SLCO1B3: variants seen among roughly 807,000 people sequenced by gnomAD.
SLCO1B3 encodes solute carrier organic anion transporter family member 1B3, also known as liver-specific organic anion transporter 2.
A neutral mutation model predicts 71.8 loss-of-function variants in SLCO1B3; 72 were observed. The observed-to-expected ratio is 1.00, with a 90% confidence interval of 0.83 to 1.22. SLCO1B3 has a LOEUF of 1.22. Among genes scored for constraint, SLCO1B3 ranks in the 50% most tolerant of loss-of-function variants. The pLI is 0.00. For missense variants in SLCO1B3, 911 were observed against 819.7 expected (o/e 1.11, Z -1.36); for synonymous variants, 298 against 278.4 (o/e 1.07, Z -0.70).
At position 20,888,218 on chromosome 12, in the gene SLCO1B3, C is replaced by T. The variant is rs767388562; in HGVS notation, c.1682+4616C>T. On this transcript the variant is annotated intron_variant, in intron 13 of 15. Transcript: ENST00000381545. ...TTTGCTAGTCAGACTTTTTTGGTTC[C>T]GTATGAATTTTAGGATTTACATTGG... Among the ~76,000 whole-genome samples the T allele has an allele frequency of 4.6e-5, 7 of 151,840 alleles. No homozygotes were observed. The East Asian group carries it at 5.8e-4, about 13-fold the overall frequency.
In SLCO1B3 at chr12:20,815,710, AATATTCACTTGGTATCTG is replaced by A. The variant is rs527574443; in HGVS notation, c.-28_-11del. 0.27 allele frequency: 394,129 copies of A among 1,469,848 alleles called. 54,843 individuals are homozygous for A. The highest frequency in any genetic ancestry group is 0.38 in the Middle Eastern group (2,082 of 5,498). The allele number at this position is 1,469,848 out of a possible 1,614,324, so 91.1% of individuals were successfully genotyped here. A position where few individuals can be genotyped will look rare whatever the true frequency, so the allele number is the denominator to read the frequency against. ...AAACCAAGCATCAGCAACAATTAAA[AATATTCACTTGGTATCTG>A]TAGTTTAATAATGGACCAACATCAA... On this transcript the variant is annotated 5_prime_UTR_variant, in exon 3 of 16. Coordinates refer to ENST00000381545, the MANE Select transcript of SLCO1B3 (RefSeq NM_019844.4).
At chr12:20,865,054 A>G (rs1396299576) in intron 8 of SLCO1B3, among the ~76,000 whole-genome samples, 10 of 152,102 alleles carry the variant, frequency 6.6e-5, no homozygotes, top group Admixed American at 6.6e-4. Flanking sequence ...CAAGATTTTA[A>G]TGTAGAATTT....
At chr12:20,832,061 A>G (rs1042444675) in intron 3 of SLCO1B3, among the ~76,000 whole-genome samples, 5 of 152,190 alleles carry the variant, frequency 3.3e-5, no homozygotes, top group African/African-American at 1.2e-4. Context: ...TCTGATTCCA[A>G]ATTCCATGCT....
chr12:20,889,363 C>T (rs1264115176), intron 13 of SLCO1B3, among the ~76,000 whole-genome samples: 1 of 151,890 alleles, frequency 6.6e-6, no homozygotes, highest in Non-Finnish European at 1.5e-5. Flanking sequence ...ATTATTATTA[C>T]TAATTCAATT....
chr12:20,811,207 T>G lies in SLCO1B3; in HGVS notation c.-181+443T>G, dbSNP rs180907235. Among the ~76,000 whole-genome samples, 4 of 152,296 alleles carry G rather than the reference T, an allele frequency of 2.6e-5. No individual in the cohort carries two copies. In the South Asian group the frequency reaches 8.3e-4, roughly 32 times the overall value. Reference sequence around the variant, plus strand: ...TGGGCGGGTGGAGGGGTGGAAAATATGTTTCAAAGTCACTTAATCACCTCA... The same window carrying G: ...TGGGCGGGTGGAGGGGTGGAAAATAGGTTTCAAAGTCACTTAATCACCTCA... On this transcript the variant is annotated intron_variant, in intron 1 of 15. Coordinates refer to ENST00000381545, the MANE Select transcript of SLCO1B3 (RefSeq NM_019844.4).
At chr12:20,822,136 G>A (rs1165154110) in intron 3 of SLCO1B3, among the ~76,000 whole-genome samples, 1 of 152,178 alleles carries the variant, frequency 6.6e-6, no homozygotes, top group Non-Finnish European at 1.5e-5. Flanking sequence ...AGGAGGACGG[G>A]GGATTGATCT....
chr12:20,860,302 T>C (rs975098767), intron 5 of SLCO1B3, among the ~76,000 whole-genome samples: 1 of 152,178 alleles, frequency 6.6e-6, no homozygotes, highest in Non-Finnish European at 1.5e-5. Context: ...GGACCTTGTA[T>C]ATTAAATTTA....
chr12:20,889,309 G>T (rs764449732), intron 13 of SLCO1B3, among the ~76,000 whole-genome samples: 3 of 151,958 alleles, frequency 2.0e-5, no homozygotes, highest in Admixed American at 6.6e-5. Flanking sequence ...GTAGAATCTG[G>T]CAGTAAGTTC....
chr12:20,869,738 G>A (rs1389723419), intron 8 of SLCO1B3, among the ~76,000 whole-genome samples: 1 of 152,134 alleles, frequency 6.6e-6, no homozygotes, highest in African/African-American at 2.4e-5. Flanking sequence ...TCATCTCTCT[G>A]TAGATATTAG....
chr12:20,889,270 G>T (rs1392134001), intron 13 of SLCO1B3, among the ~76,000 whole-genome samples: 1 of 151,940 alleles, frequency 6.6e-6, no homozygotes, highest in Non-Finnish European at 1.5e-5. Context: ...TTTTAGTAGA[G>T]TTGGTATCAT....
chr12:20,852,368 A>G (rs1210638922), intron 3 of SLCO1B3, among the ~76,000 whole-genome samples: 1 of 152,162 alleles, frequency 6.6e-6, no homozygotes, highest in Non-Finnish European at 1.5e-5. Flanking sequence ...AGTACCAGCT[A>G]TTGAGGAGGC....
intron 3 of SLCO1B3, among the ~76,000 whole-genome samples, chr12:20,850,032 C>CT (rs71043207): frequency 2.3e-3 from 307 of 134,136 alleles, no homozygotes; most frequent in African/African-American, 4.8e-3. Flanking sequence ...TCCCAACAGC[C>CT]TTTTTTTTTT....
At chr12:20,822,548 A>T (rs1864335430) in intron 3 of SLCO1B3, among the ~76,000 whole-genome samples, 1 of 152,266 alleles carries the variant, frequency 6.6e-6, no homozygotes, top group African/African-American at 2.4e-5. Context: ...CAGTTACTTC[A>T]GGCCATCTCG....
At chr12:20,881,859 ACT>A (rs767724169) in intron 12 of SLCO1B3, among the ~76,000 whole-genome samples, 9 of 151,994 alleles carry the variant, frequency 5.9e-5, no homozygotes, top group Non-Finnish European at 8.8e-5. Context: ...TGCGATTATG[ACT>A]CTCTACCACA....
rs1236660730 is a variant in SLCO1B3, at chr12:20,877,887, T to C, written c.1086T>C (p.Tyr362=). ...GTTCTTTTACTTACGTCTTTAAATA[T>C]ATGGAGCAACAGTACGGTCAGTCTG... ...FIGSFTYVFK[Y]MEQQYGQSAS... Residue 362 remains tyrosine (Y), a synonymous_variant, in exon 10 of 16, where the codon TAT becomes TAC. Transcript: ENST00000381545. 7 of 1,591,092 alleles carry C rather than the reference T, an allele frequency of 4.4e-6. No homozygotes were observed. Among genetic ancestry groups the C allele is most frequent in the Non-Finnish European group, 1.7e-6 (2 of 1,171,252 alleles).
chr12:20,815,375 A>G (rs1864174640), intron 2 of SLCO1B3, among the ~76,000 whole-genome samples: 2 of 152,184 alleles, frequency 1.3e-5, no homozygotes, highest in East Asian at 1.9e-4. Context: ...TTTAATTTCT[A>G]TAATTTAAAA....
intron 3 of SLCO1B3, among the ~76,000 whole-genome samples, chr12:20,839,854 T>G (rs917282741): frequency 1.3e-5 from 2 of 152,174 alleles, no homozygotes; most frequent in Non-Finnish European, 2.9e-5. Context: ...TTTTTCTGTC[T>G]TTGTTCATTT....
At chr12:20,911,369 A>C (rs1465648008) in intron 15 of SLCO1B3, among the ~76,000 whole-genome samples, 1 of 152,098 alleles carries the variant, frequency 6.6e-6, no homozygotes, top group East Asian at 1.9e-4. Flanking sequence ...GAACTTCTGC[A>C]CCTGTATTTG....
chr12:20,896,182 C>T (rs1336865032), intron 13 of SLCO1B3, among the ~76,000 whole-genome samples: 2 of 147,940 alleles, frequency 1.4e-5, no homozygotes, highest in Non-Finnish European at 3.0e-5. Flanking sequence ...AAGACATTTT[C>T]CCCATTGTCT....
Sources: allele counts gnomAD v4.1 joint callset (sites outside exome capture counted in the v4.1 genomes callset), GRCh38; gene constraint gnomAD v4.1.1; transcripts MANE v1.5; gene names NCBI Gene and HGNC (gene_info 2026-07-23, HGNC 2026-07-21).